UBR3: variants seen among roughly 807,000 people sequenced by gnomAD.
UBR3 encodes ubiquitin protein ligase E3 component n-recognin 3.
In UBR3, 85 loss-of-function variants were observed where a neutral mutation model predicts 243.2. That is an observed-to-expected ratio of 0.35 (90% CI 0.29 to 0.42). The LOEUF is 0.42. Among genes scored for constraint, UBR3 ranks in the 10% least tolerant of loss-of-function variants. The pLI is 1.00. For synonymous variants in UBR3, 748 were observed against 799.8 expected (o/e 0.94, Z 1.09); for missense variants, 1,686 against 2,300.8 (o/e 0.73, Z 5.47).
chr2:169,981,512 T>C (rs1040303707), intron 24 of UBR3, among the ~76,000 whole-genome samples: 1 of 152,056 alleles, frequency 6.6e-6, no homozygotes, highest in Non-Finnish European at 1.5e-5. Flanking sequence ...GTCAAGTTCA[T>C]CAAAGCAAGG....
chr2:169,901,388 A>G (rs1261899220), intron 8 of UBR3, among the ~76,000 whole-genome samples: 2 of 152,132 alleles, frequency 1.3e-5, no homozygotes, highest in African/African-American at 4.8e-5. Context: ...AAACTTTGCC[A>G]TACTATTTTT....
intron 25 of UBR3, among the ~76,000 whole-genome samples, chr2:169,994,015 T>C (rs1300324066): frequency 1.3e-5 from 2 of 152,162 alleles, no homozygotes; most frequent in Non-Finnish European, 2.9e-5. Context: ...GAAATAAAGT[T>C]TGTGAATACT....
intron 11 of UBR3, among the ~76,000 whole-genome samples, chr2:169,919,620 G>T (rs751641497): frequency 5.3e-5 from 8 of 152,022 alleles, no homozygotes; most frequent in Non-Finnish European, 8.8e-5. Flanking sequence ...CAAGAAAAAA[G>T]CAAACAACCC....
intron 25 of UBR3, among the ~76,000 whole-genome samples, chr2:169,991,220 A>G (rs1015534715): frequency 2.6e-5 from 4 of 152,200 alleles, no homozygotes; most frequent in Non-Finnish European, 4.4e-5. Flanking sequence ...AAATGGACAG[A>G]ATTGAAGGGA....
chr2:170,029,797 C>CT (rs1427843753), intron 31 of UBR3, among the ~76,000 whole-genome samples: 1 of 152,010 alleles, frequency 6.6e-6, no homozygotes, highest in African/African-American at 2.4e-5. Context: ...CCCCATCAGT[C>CT]TTTCACCTAA....
intron 1 of UBR3, among the ~76,000 whole-genome samples, chr2:169,871,722 T>G (rs1482148542): frequency 1.9e-5 from 2 of 102,950 alleles, no homozygotes; most frequent in African/African-American, 5.9e-5. Flanking sequence ...CACTCCAGCC[T>G]GGACGTCAGA....
chr2:169,912,081 T>A (rs1312357103), intron 10 of UBR3, among the ~76,000 whole-genome samples: 1 of 152,164 alleles, frequency 6.6e-6, no homozygotes, highest in Non-Finnish European at 1.5e-5. Context: ...CAAGAATGAA[T>A]GTGAGACTTT....
intron 36 of UBR3, among the ~76,000 whole-genome samples, chr2:170,075,720 G>T (rs1282845857): frequency 6.6e-6 from 1 of 152,008 alleles, no homozygotes; most frequent in African/African-American, 2.4e-5. Flanking sequence ...TCTTTCTCAG[G>T]AATGTTAAAT....
chr2:170,047,646 C>A (rs1370894630), intron 32 of UBR3, among the ~76,000 whole-genome samples: 2 of 151,876 alleles, frequency 1.3e-5, no homozygotes, highest in Non-Finnish European at 2.9e-5. Flanking sequence ...GTACAGTAGT[C>A]CCCCCTTACC....
At chr2:169,971,255 T>G (rs2088127086) in intron 24 of UBR3, among the ~76,000 whole-genome samples, 1 of 150,970 alleles carries the variant, frequency 6.6e-6, no homozygotes, top group African/African-American at 2.4e-5. Context: ...GTTGCGAAAA[T>G]TTTCTCCCAT....
At chr2:170,000,714 G>T (rs1273545594) in intron 26 of UBR3, among the ~76,000 whole-genome samples, 1 of 152,146 alleles carries the variant, frequency 6.6e-6, no homozygotes, top group Non-Finnish European at 1.5e-5. Flanking sequence ...AAGTTTGCAG[G>T]GTAGTCAAAA....
chr2:169,884,427 C>T (rs1275925101), intron 5 of UBR3, among the ~76,000 whole-genome samples: 1 of 152,184 alleles, frequency 6.6e-6, no homozygotes, highest in African/African-American at 2.4e-5. Flanking sequence ...GGTTTACAGG[C>T]GTGAGCCATG....
chr2:170,015,383 G>C lies in UBR3; in HGVS notation c.4453+17G>C, dbSNP rs1372382719. On this transcript the variant is annotated intron_variant, in intron 30 of 38. Transcript: ENST00000272793. ...CTTGTTTAAGTAAGTACTAAATACT[G>C]CTAAATTTAAAAAAAATTCTGTCAT... 2 of 1,571,136 alleles carry C rather than the reference G, an allele frequency of 1.3e-6. No homozygotes were observed. Among genetic ancestry groups the C allele is most frequent in the African/African-American group, 1.4e-5 (1 of 72,844 alleles).
chr2:169,890,538 G>GATATATATAT (rs1238478825), intron 5 of UBR3, among the ~76,000 whole-genome samples: 16 of 77,566 alleles, frequency 2.1e-4, no homozygotes, highest in African/African-American at 8.6e-4. Flanking sequence ...GAGAGAGAGA[G>GATATATATAT]AGATATATAT....
At chr2:169,995,774 A>G (rs2089456454) in intron 26 of UBR3, among the ~76,000 whole-genome samples, 1 of 152,160 alleles carries the variant, frequency 6.6e-6, no homozygotes. Context: ...GTTTTTTTTC[A>G]GGCTCTGACA....
intron 31 of UBR3, among the ~76,000 whole-genome samples, chr2:170,036,184 A>G (rs541768502): frequency 5.9e-5 from 9 of 152,200 alleles, no homozygotes; most frequent in African/African-American, 2.2e-4. Flanking sequence ...TTGAGGCATT[A>G]GCTAGTACTT....
chr2:169,884,092 C>G (rs1480622855), intron 5 of UBR3, among the ~76,000 whole-genome samples: 1 of 151,330 alleles, frequency 6.6e-6, no homozygotes, highest in East Asian at 1.9e-4. Flanking sequence ...CTTGGCCTCC[C>G]AAAGTTCTGG....
Position 169,857,064 on chromosome 2 carries a change from G to GTTTTTTTTTTTTTTTTTTTTTTTT in UBR3, c.546-15168_546-15145dup, listed in dbSNP as rs770674966. On this transcript the variant is annotated intron_variant, in intron 1 of 38. Transcript: ENST00000272793. ...ATGATTTCCAGCATAATTTTATTATGTTTTTTTTTTTTTTTTTTTTTTTTT... is the reference window on the plus strand; with the variant it reads ...ATGATTTCCAGCATAATTTTATTATGTTTTTTTTTTTTTTTTTTTTTTTTTTTTTTTTTTTTTTTTTTTTTTTTT... Among the ~76,000 whole-genome samples the GTTTTTTTTTTTTTTTTTTTTTTTT allele has an allele frequency of 5.3e-5, 3 of 56,094 alleles. 1 individual carries two copies. Among genetic ancestry groups the GTTTTTTTTTTTTTTTTTTTTTTTT allele is most frequent in the Admixed American group, 2.4e-4 (1 of 4,088 alleles). 36.8% of individuals were successfully genotyped at this position (56,094 alleles called of 152,430 possible). A position where few individuals can be genotyped will look rare whatever the true frequency, so the allele number is the denominator to read the frequency against.
chr2:169,871,590 A>G (rs2083439857), intron 1 of UBR3, among the ~76,000 whole-genome samples: 1 of 151,870 alleles, frequency 6.6e-6, no homozygotes, highest in African/African-American at 2.4e-5. Flanking sequence ...TCTACTAAAA[A>G]TAAAAAAAAT....
Sources: gnomAD v4.1 joint callset for allele counts (sites outside exome capture counted in the v4.1 genomes callset) on GRCh38, gnomAD v4.1.1 for gene constraint, MANE v1.5 for transcripts, NCBI Gene and HGNC (gene_info 2026-07-23, HGNC 2026-07-21) for gene names.